SIL1: variants seen among roughly 807,000 people sequenced by gnomAD.
The protein encoded by SIL1 is SIL1 nucleotide exchange factor, also known as nucleotide exchange factor SIL1.
Under a neutral mutation model 49.1 loss-of-function variants are expected in SIL1, and 40 were observed. That is an observed-to-expected ratio of 0.81 (90% CI 0.63 to 1.06). The LOEUF is 1.06. SIL1 is among the 50% of genes least tolerant of loss of function. The pLI is 0.00. For missense variants in SIL1, 500 were observed against 572.6 expected (o/e 0.87, Z 1.29); for synonymous variants, 253 against 250.8 (o/e 1.01, Z -0.08).
At chr5:138,958,721 A>G (rs1160100797) in intron 7 of SIL1, among the ~76,000 whole-genome samples, 2 of 151,984 alleles carry the variant, frequency 1.3e-5, no homozygotes, top group East Asian at 3.9e-4. Flanking sequence ...CAAATATTCC[A>G]AAAGCCAAAA....
chr5:139,111,858 C>T (rs1180559363), intron 3 of SIL1, among the ~76,000 whole-genome samples: 2 of 151,436 alleles, frequency 1.3e-5, no homozygotes, highest in East Asian at 3.9e-4. Flanking sequence ...CACGGTCTCC[C>T]TCTCCCTCTC....
At chr5:139,191,089 G>A (rs556101147) in intron 1 of SIL1, among the ~76,000 whole-genome samples, 7 of 151,682 alleles carry the variant, frequency 4.6e-5, no homozygotes, top group Non-Finnish European at 8.8e-5. Flanking sequence ...AAAATTAGCC[G>A]GCCATGGTGG....
chr5:139,045,663 A>G (rs1328002123), intron 4 of SIL1, among the ~76,000 whole-genome samples: 7 of 152,180 alleles, frequency 4.6e-5, no homozygotes, highest in Admixed American at 4.6e-4. Context: ...AAGTATTTCA[A>G]ACTTATTGAA....
intron 4 of SIL1, among the ~76,000 whole-genome samples, chr5:139,043,060 C>T (rs903508787): frequency 4.6e-5 from 7 of 152,150 alleles, no homozygotes; most frequent in African/African-American, 1.7e-4. Context: ...GGGTGAATGG[C>T]ACCCTAAGGT....
intron 7 of SIL1, 116 bp from the exon 8 acceptor site, chr5:138,952,000 C>T: frequency 2.2e-6 from 2 of 926,960 alleles, no homozygotes; most frequent in East Asian, 2.5e-5. Flanking sequence ...CAGAGGTTCC[C>T]ACACGGGGCA....
chr5:138,992,420 A>G (rs770766762), intron 7 of SIL1, among the ~76,000 whole-genome samples: 5 of 152,188 alleles, frequency 3.3e-5, no homozygotes, highest in Non-Finnish European at 7.3e-5. Flanking sequence ...GTGAAGCCAA[A>G]ATCCTACCCC....
chr5:139,001,081 T>G (rs35578160), intron 7 of SIL1, among the ~76,000 whole-genome samples: 2,389 of 151,392 alleles, frequency 0.016, 32 homozygotes, highest in Middle Eastern at 0.031. Flanking sequence ...TCTGTGTGTG[T>G]GGGGGGGGAA....
intron 7 of SIL1, among the ~76,000 whole-genome samples, chr5:139,015,922 A>G (rs1296909944): frequency 1.3e-5 from 2 of 152,102 alleles, no homozygotes; most frequent in Non-Finnish European, 2.9e-5. Context: ...GAGGTTCCTT[A>G]GTAGATGAAA....
At chr5:138,992,364 C>A (rs1480745532) in intron 7 of SIL1, among the ~76,000 whole-genome samples, 1 of 152,178 alleles carries the variant, frequency 6.6e-6, no homozygotes, top group African/African-American at 2.4e-5. Flanking sequence ...TGAAGTGTAA[C>A]CATCCCATAA....
intron 7 of SIL1, among the ~76,000 whole-genome samples, chr5:139,017,854 C>A (rs147588323): frequency 2.0e-3 from 304 of 152,236 alleles, no homozygotes; most frequent in African/African-American, 7.0e-3. Context: ...AGACTGCAGA[C>A]AGACACACAC....
intron 3 of SIL1, among the ~76,000 whole-genome samples, chr5:139,088,018 C>G (rs1222062967): frequency 6.6e-6 from 1 of 151,768 alleles, no homozygotes; most frequent in African/African-American, 2.4e-5. Flanking sequence ...ACCTCCCTGG[C>G]CCACCATGGA....
intron 1 of SIL1, among the ~76,000 whole-genome samples, chr5:139,171,795 A>C (rs1751778003): frequency 6.6e-6 from 1 of 152,008 alleles, no homozygotes; most frequent in Non-Finnish European, 1.5e-5. Context: ...CAGATCTACT[A>C]GACAAAGACT....
intron 7 of SIL1, among the ~76,000 whole-genome samples, chr5:139,000,457 A>G (rs1048822582): frequency 6.6e-6 from 1 of 152,238 alleles, no homozygotes; most frequent in Non-Finnish European, 1.5e-5. Context: ...AATACAAATA[A>G]GAGAATTCAG....
intron 3 of SIL1, among the ~76,000 whole-genome samples, chr5:139,084,061 C>G (rs1367266132): frequency 6.9e-6 from 1 of 145,572 alleles, no homozygotes; most frequent in Non-Finnish European, 1.5e-5. Context: ...GGTACCAGTA[C>G]CATGCTGTTT....
chr5:139,043,363 G>T (rs761305468), intron 4 of SIL1, among the ~76,000 whole-genome samples: 1 of 152,212 alleles, frequency 6.6e-6, no homozygotes, highest in Non-Finnish European at 1.5e-5. Context: ...ACAAGGAGTA[G>T]CATGCACCCT....
intron 5 of SIL1, among the ~76,000 whole-genome samples, chr5:139,036,358 G>A (rs939879359): frequency 3.3e-5 from 5 of 152,098 alleles, no homozygotes; most frequent in Admixed American, 2.0e-4. Context: ...TCAATATTCC[G>A]TGTATGGCTA....
chr5:139,138,906 G>A (rs1412463080), intron 1 of SIL1, among the ~76,000 whole-genome samples: 3 of 152,174 alleles, frequency 2.0e-5, no homozygotes, highest in African/African-American at 7.2e-5. Context: ...CCACACACCT[G>A]GACTATACTC....
chr5:139,062,827 A>G (rs1326669840), intron 3 of SIL1, among the ~76,000 whole-genome samples: 1 of 152,228 alleles, frequency 6.6e-6, no homozygotes, highest in Non-Finnish European at 1.5e-5. Flanking sequence ...GGACTGGGCA[A>G]GAGTCTGCTC....
chr5:138,948,686 G>A lies in SIL1; in HGVS notation c.1030-1213C>T, dbSNP rs1013956070. Among the ~76,000 whole-genome samples, 4 of 152,100 alleles carry A rather than the reference G, an allele frequency of 2.6e-5. No homozygotes were observed. The highest frequency in any genetic ancestry group is 7.2e-5 in the African/African-American group (3 of 41,416). On this transcript the variant is annotated intron_variant, in intron 9 of 9. Coordinates refer to ENST00000394817, the MANE Select transcript of SIL1 (RefSeq NM_022464.5). The surrounding 1 kb of genome is among the most constrained non-coding windows in gnomAD (Gnocchi z 4.8). ...CCTGCACACCTCACCGCCACTGACC[G>A]GCCTCCCCTGACTGGCCTTCTCTGC...
Sources: allele counts gnomAD v4.1 joint callset (sites outside exome capture counted in the v4.1 genomes callset), GRCh38; gene constraint gnomAD v4.1.1; non-coding constraint Gnocchi (gnomAD v3.1); transcripts MANE v1.5; gene names NCBI Gene and HGNC (gene_info 2026-07-23, HGNC 2026-07-21).